DLG2: variants seen among roughly 807,000 people sequenced by gnomAD.
DLG2 encodes the protein disks large homolog 2.
In DLG2, 45 loss-of-function variants were observed where a neutral mutation model predicts 132.5. The ratio of observed to expected loss-of-function variants is 0.34; its 90% CI spans 0.27 to 0.44. DLG2 has a LOEUF of 0.44. DLG2 is among the 20% of genes least tolerant of loss of function. The pLI, the probability that DLG2 is intolerant of heterozygous loss-of-function variation, is 1.00. For synonymous variants in DLG2, 424 were observed against 419.6 expected (o/e 1.01, Z -0.13); for missense variants, 1,045 against 1,196.9 (o/e 0.87, Z 1.87).
chr11:84,718,649 C>G (rs72945810), intron 6 of DLG2, among the ~76,000 whole-genome samples: 1 of 152,118 alleles, frequency 6.6e-6, no homozygotes, highest in Non-Finnish European at 1.5e-5. Context: ...CATTTAGCAC[C>G]GCTAAGTAAT....
At chr11:85,539,301 T>A (rs1422819949) in intron 3 of DLG2, among the ~76,000 whole-genome samples, 1 of 149,456 alleles carries the variant, frequency 6.7e-6, no homozygotes, top group Non-Finnish European at 1.5e-5. Flanking sequence ...TGGACAGCTG[T>A]CCCTTGAGTC....
At chr11:83,774,976 A>T (rs1030059961) in intron 18 of DLG2, among the ~76,000 whole-genome samples, 2 of 149,996 alleles carry the variant, frequency 1.3e-5, no homozygotes, top group African/African-American at 5.1e-5. Flanking sequence ...GAGCCAAACT[A>T]TTCCTAGAGC....
chr11:83,574,975 C>T (rs1245115248), intron 19 of DLG2, among the ~76,000 whole-genome samples: 2 of 152,168 alleles, frequency 1.3e-5, no homozygotes, highest in East Asian at 3.9e-4. Context: ...AAAGGAAGTA[C>T]AATTTCTAAC....
chr11:84,253,180 A>G (rs1034493396), intron 7 of DLG2, among the ~76,000 whole-genome samples: 1 of 152,134 alleles, frequency 6.6e-6, no homozygotes, highest in Non-Finnish European at 1.5e-5. Flanking sequence ...TTAAAAAAAA[A>G]TAATAAGAGG....
intron 15 of DLG2, among the ~76,000 whole-genome samples, chr11:83,921,396 T>C (rs1460041545): frequency 1.3e-5 from 2 of 152,176 alleles, no homozygotes; most frequent in Non-Finnish European, 2.9e-5. Flanking sequence ...AACTATCTCA[T>C]CTCATTGTTT....
chr11:83,971,298 C>T (rs2091283235), intron 12 of DLG2, among the ~76,000 whole-genome samples: 1 of 151,930 alleles, frequency 6.6e-6, no homozygotes, highest in Admixed American at 6.6e-5. Flanking sequence ...GGAAAGAGGA[C>T]TGAGGCCAAG....
intron 7 of DLG2, among the ~76,000 whole-genome samples, chr11:84,329,891 G>A (rs3901941): frequency 0.019 from 2,966 of 152,264 alleles, 44 homozygotes; most frequent in Non-Finnish European, 0.031. Flanking sequence ...GACAAGGTAT[G>A]AACTTCAGAG....
chr11:84,314,843 T>C (rs1304177454), intron 7 of DLG2, among the ~76,000 whole-genome samples: 1 of 152,032 alleles, frequency 6.6e-6, no homozygotes, highest in African/African-American at 2.4e-5. Flanking sequence ...TTATTTAACA[T>C]AATGTATTTG....
chr11:85,267,884 A>ATGTGTGTGTG (rs35082133), intron 4 of DLG2, among the ~76,000 whole-genome samples: 2 of 148,208 alleles, frequency 1.3e-5, no homozygotes, highest in African/African-American at 2.5e-5. Flanking sequence ...TGACTTTTGT[A>ATGTGTGTGTG]TGTGTGTGTG....
At chr11:85,149,361 T>C (rs1180633752) in intron 5 of DLG2, among the ~76,000 whole-genome samples, 1 of 152,238 alleles carries the variant, frequency 6.6e-6, no homozygotes, top group Non-Finnish European at 1.5e-5. Flanking sequence ...TTTCATGCTA[T>C]TGATTCTTCC....
At chr11:83,803,794 G>A (rs1213048214) in intron 17 of DLG2, among the ~76,000 whole-genome samples, 1 of 152,064 alleles carries the variant, frequency 6.6e-6, no homozygotes, top group African/African-American at 2.4e-5. Context: ...GCTGCCTCCA[G>A]AGACATATCT....
chr11:84,561,767 A>ATTGT (rs2099429173), intron 6 of DLG2, among the ~76,000 whole-genome samples: 1 of 152,178 alleles, frequency 6.6e-6, no homozygotes, highest in South Asian at 2.1e-4. Flanking sequence ...TGAAAGGCAA[A>ATTGT]TTGTTAGTTA....
At chr11:85,103,433 G>C (rs751768103) in intron 6 of DLG2, among the ~76,000 whole-genome samples, 4 of 151,918 alleles carry the variant, frequency 2.6e-5, no homozygotes, top group Non-Finnish European at 5.9e-5. Context: ...AGAGTTGAAA[G>C]TCCATAAATG....
chr11:84,008,282 G>A (rs2094683144), intron 11 of DLG2, among the ~76,000 whole-genome samples: 1 of 151,778 alleles, frequency 6.6e-6, no homozygotes, highest in Non-Finnish European at 1.5e-5. Flanking sequence ...TCTACCTTAT[G>A]CTTAAATTGT....
chr11:83,613,442 A>G (rs980499377), intron 19 of DLG2, among the ~76,000 whole-genome samples: 2 of 152,236 alleles, frequency 1.3e-5, no homozygotes, highest in African/African-American at 4.8e-5. Flanking sequence ...ATCACTGGAA[A>G]TCAAAATGTA....
intron 7 of DLG2, among the ~76,000 whole-genome samples, chr11:84,340,428 T>C (rs1258189406): frequency 6.6e-6 from 1 of 152,202 alleles, no homozygotes; most frequent in Non-Finnish European, 1.5e-5. Context: ...TGGTTAAGTA[T>C]AACTTCTCAT....
At chr11:84,935,179 T>A (rs1053864914) in intron 6 of DLG2, among the ~76,000 whole-genome samples, 4 of 152,250 alleles carry the variant, frequency 2.6e-5, no homozygotes, top group Non-Finnish European at 4.4e-5. Context: ...TGTAATGTTT[T>A]CACCAGATTC....
intron 19 of DLG2, among the ~76,000 whole-genome samples, chr11:83,569,013 G>A (rs530609600): frequency 6.6e-6 from 1 of 152,214 alleles, no homozygotes; most frequent in South Asian, 2.1e-4. Flanking sequence ...ACTTATCACT[G>A]TCTCAAAGGA....
At chr11:84,697,716 C>G (rs2058759755) in intron 6 of DLG2, among the ~76,000 whole-genome samples, 3 of 151,430 alleles carry the variant, frequency 2.0e-5, no homozygotes, top group Admixed American at 2.0e-4. Context: ...TTTCCAAAAT[C>G]ATTTCTGAAG....
Sources: allele counts gnomAD v4.1 joint callset (sites outside exome capture counted in the v4.1 genomes callset), GRCh38; gene constraint gnomAD v4.1.1; transcripts MANE v1.5; gene names NCBI Gene and HGNC (gene_info 2026-07-23, HGNC 2026-07-21).